Variants in RGL3 observed in about 807,000 individuals in gnomAD.
The protein encoded by RGL3 is ral guanine nucleotide dissociation stimulator like 3.
A neutral mutation model predicts 90.6 loss-of-function variants in RGL3; 85 were observed. That is an observed-to-expected ratio of 0.94 (90% CI 0.79 to 1.12). The LOEUF (loss-of-function observed/expected upper bound fraction) is 1.12, where lower values mean the gene tolerates loss of function less well. Ranked by LOEUF, RGL3 falls within the 50% of genes most tolerant of loss-of-function variation. The pLI is 0.00. For synonymous variants in RGL3, 408 were observed against 385.5 expected, an observed-to-expected ratio of 1.06 and a Z score of -0.68; for missense variants, 1,034 against 939.2, an observed-to-expected ratio of 1.10 and a Z score of -1.32.
chr19:11,396,662 CTTTT>C (rs34889967), intron 18 of RGL3, among the ~76,000 whole-genome samples: 2 of 123,104 alleles, frequency 1.6e-5, no homozygotes, highest in Admixed American at 8.3e-5. Flanking sequence ...CGTGGACAGT[CTTTT>C]TTTTTTTTTT....
intron 17 of RGL3, 36 bp from the exon 18 acceptor site, chr19:11,397,394 C>G (rs187869558): frequency 7.6e-6 from 12 of 1,587,214 alleles, no homozygotes; most frequent in Non-Finnish European, 1.0e-5. Flanking sequence ...GTGAGGGCCC[C>G]GGCCCCAAGG....
intron 5 of RGL3, 179 bp from the exon 6 acceptor site, chr19:11,407,043 T>C (rs1968797303): frequency 3.5e-6 from 2 of 571,546 alleles, no homozygotes; most frequent in African/African-American, 3.8e-5. Flanking sequence ...TGGAGTACAA[T>C]GGCGCAATCT....
chr19:11,414,142 TA>T (rs1968919467), intron 5 of RGL3, among the ~76,000 whole-genome samples: 1 of 68,024 alleles, frequency 1.5e-5, no homozygotes, highest in South Asian at 5.6e-4. Context: ...ATCATATATA[TA>T]TATATATATA....
chr19:11,415,764 A>G (rs1403857123), intron 5 of RGL3, among the ~76,000 whole-genome samples, 173 bp downstream of exon 5: 3 of 152,140 alleles, frequency 2.0e-5, no homozygotes, highest in Non-Finnish European at 4.4e-5. Context: ...GTGAGCCACC[A>G]CGCCCGGCTG....
intron 5 of RGL3, among the ~76,000 whole-genome samples, chr19:11,407,230 C>T (rs1045308808): frequency 2.0e-5 from 3 of 152,042 alleles, no homozygotes; most frequent in Admixed American, 6.6e-5. Context: ...AAGTGATCTG[C>T]CCGCCTTGGC....
chr19:11,411,117 G>A (rs1333033091), intron 5 of RGL3: 3 of 148,182 alleles, frequency 2.0e-5, no homozygotes, highest in Non-Finnish European at 4.4e-5. Context: ...GCTGAGCCAG[G>A]AGAATCGCTT....
rs1969009383 is a variant in RGL3 at position 11,416,854 on chromosome 19, G to A, written c.353C>T (p.Pro118Leu). ...CLLGFLLPPMPPPPPPGVEIK... is the reference protein window; with the variant it reads ...CLLGFLLPPMLPPPPPGVEIK... ...TACTGACCCGGGAGGTGGGGGCGGT[G>A]GCATTGGTGGCAGCAGAAAGCCCAG... Residue 118 changes from proline (P) to leucine (L), a missense_variant, in exon 3 of 19, where the codon CCA (proline) becomes CTA (leucine). Physicochemically the swap from Pro to Leu is moderately conservative, Grantham distance 98 (BLOSUM62 -3). Coordinates refer to ENST00000380456, the MANE Select transcript of RGL3 (RefSeq NM_001035223.4). 6.2e-7 allele frequency: 1 copy of A among 1,613,902 alleles called. No homozygotes were observed.
chr19:11,415,163 T>A (rs926305714), intron 5 of RGL3, among the ~76,000 whole-genome samples: 7 of 151,172 alleles, frequency 4.6e-5, no homozygotes, highest in African/African-American at 1.5e-4. Flanking sequence ...AAAATTAAAT[T>A]AAATTAAATT....
In RGL3 at chr19:11,402,490, C is replaced by A. The variant is rs1471989708; in HGVS notation, c.1294G>T (p.Val432Phe). 6.2e-7 allele frequency: 1 copy of A among 1,605,246 alleles called. No individual in the cohort carries two copies. The highest frequency in any genetic ancestry group is 1.3e-5 in the African/African-American group (1 of 74,446). Residue 432 changes from valine (V) to phenylalanine (F), a missense_variant, in exon 11 of 19, where the codon GTT becomes TTT. Val to Phe is a conservative substitution (Grantham distance 50). Transcript: ENST00000380456. ...PYLGTFLTDLVMLDTALPDML... is the reference protein window; with the variant it reads ...PYLGTFLTDLFMLDTALPDML... The stretch of plus-strand genomic sequence containing the variant: ...TCCGGCAGGGCTGTGTCCAGCATAA[C>A]CAGGTCCGTAAGGAAGGTGCCAAGG...
chr19:11,402,092 C>T lies in RGL3; in HGVS notation c.1403G>A (p.Arg468His), dbSNP rs751008312. Residue 468 changes from arginine to histidine, a missense_variant, in exon 13 of 19, where the codon CGC becomes CAC. Physicochemically the swap from Arg to His is conservative, Grantham distance 29 (BLOSUM62 0). Coordinates refer to ENST00000380456, the MANE Select transcript of RGL3 (RefSeq NM_001035223.4). ...ILARIQQLQR[R>H]CQSYTLSPHP... is the part of the protein sequence containing the mutation. ...GGGGCTCAGGGTGTAGCTCTGACAGCGCCTCTGCAGCTGCTGGATGCGGGC... is the reference window on the plus strand; with the variant it reads ...GGGGCTCAGGGTGTAGCTCTGACAGTGCCTCTGCAGCTGCTGGATGCGGGC... The T allele has an allele frequency of 2.0e-5, 32 of 1,595,634 alleles. No individual in the cohort carries two copies. Among genetic ancestry groups the T allele is most frequent in the East Asian group, 1.6e-4 (7 of 44,824 alleles).
chr19:11,395,175 C>T (rs143817824), intron 18 of RGL3, among the ~76,000 whole-genome samples: 373 of 152,044 alleles, frequency 2.5e-3, no homozygotes, highest in Non-Finnish European at 4.4e-3. Context: ...GACCACCCCC[C>T]GCCAAACAAC....
intron 5 of RGL3, among the ~76,000 whole-genome samples, chr19:11,409,674 GA>G (rs1599439090): frequency 6.6e-6 from 1 of 152,238 alleles, no homozygotes; most frequent in East Asian, 1.9e-4. Context: ...CACAAGTTTG[GA>G]AAATGATGTC....
intron 5 of RGL3, among the ~76,000 whole-genome samples, chr19:11,414,371 TTATA>T (rs36141298): frequency 1.2e-5 from 1 of 82,290 alleles, no homozygotes; most frequent in African/African-American, 4.5e-5. Flanking sequence ...ATATATACCT[TTATA>T]TATATATATA....
At chr19:11,394,609 C>A in intron 18 of RGL3, 89 bp from the exon 19 acceptor site, 3 of 921,076 alleles carry the variant, frequency 3.3e-6, no homozygotes, top group Non-Finnish European at 3.6e-6. Flanking sequence ...CACTCACCCG[C>A]GAACCTGAAC....
rs1568336738 is a variant in RGL3, at chr19:11,402,113, CG to C, written c.1381del (p.Arg461AlafsTer14). 1.9e-6 allele frequency: 3 copies of C among 1,603,152 alleles called. No homozygotes were observed. Among genetic ancestry groups the C allele is most frequent in the Non-Finnish European group, 2.6e-6 (3 of 1,174,746 alleles). ...ACAGCGCCTCTGCAGCTGCTGGATG[CG>C]GGCCAGGATCTCCCACTCCTGGAGG... is the stretch of plus-strand genomic sequence containing the variant. The part of the protein sequence containing the change: ...KRRKEWEILA[R>X]IQQLQRRCQS... On this transcript the variant is annotated frameshift_variant, in exon 13 of 19. Coordinates refer to ENST00000380456, the MANE Select transcript of RGL3 (RefSeq NM_001035223.4). LOFTEE classifies it high-confidence loss of function.
At position 11,416,850 on chromosome 19, in the gene RGL3, CGG is replaced by C. The variant is rs1969009282; in HGVS notation, c.355_356del (p.Pro119AlafsTer65). The C allele has an allele frequency of 7.4e-6, 12 of 1,613,216 alleles. No homozygotes were observed. Among genetic ancestry groups the C allele is most frequent in the Non-Finnish European group, 1.0e-5 (12 of 1,179,692 alleles). On this transcript the variant is annotated frameshift_variant, in exon 3 of 19. Transcript: ENST00000380456. LOFTEE classifies it high-confidence loss of function. ...TCGCTACTGACCCGGGAGGTGGGGG[CGG>C]TGGCATTGGTGGCAGCAGAAAGCCC... ...LLGFLLPPMPPPPPPGVEIKK... is the reference protein window; with the variant it reads ...LLGFLLPPMPXPPPPGVEIKK...
At chr19:11,400,836 CAG>C (rs1449739311) in intron 13 of RGL3, among the ~76,000 whole-genome samples, 1 of 151,052 alleles carries the variant, frequency 6.6e-6, no homozygotes, top group East Asian at 1.9e-4. Flanking sequence ...GCCTGGGAAA[CAG>C]AGCCAGACTC....
At chr19:11,394,618 AC>A in intron 18 of RGL3, 98 bp from the exon 19 acceptor site, 1 of 857,760 alleles carries the variant, frequency 1.2e-6, no homozygotes, top group Middle Eastern at 2.4e-4. Flanking sequence ...GCGAACCTGA[AC>A]AGCCATGGGT....
At chr19:11,412,741 C>A (rs181980226) in intron 5 of RGL3, among the ~76,000 whole-genome samples, 1 of 151,480 alleles carries the variant, frequency 6.6e-6, no homozygotes, top group African/African-American at 2.4e-5. Context: ...CCGAGGCAAG[C>A]GGATCACGAG....
Sources: allele counts gnomAD v4.1 joint callset (sites outside exome capture counted in the v4.1 genomes callset), GRCh38; gene constraint gnomAD v4.1.1; transcripts MANE v1.5; gene names NCBI Gene and HGNC (gene_info 2026-07-23, HGNC 2026-07-21).